Variants in GRIP2 observed in about 807,000 individuals in gnomAD.
GRIP2 encodes glutamate receptor interacting protein 2.
A neutral mutation model predicts 108.3 loss-of-function variants in GRIP2; 58 were observed. The ratio of observed to expected loss-of-function variants is 0.54; its 90% confidence interval spans 0.43 to 0.67. GRIP2 has a LOEUF of 0.67. Ranked by LOEUF, GRIP2 falls within the 30% of genes least tolerant of loss-of-function variation. GRIP2 has a pLI of 0.00. For synonymous variants in GRIP2, 586 were observed against 598.2 expected (o/e 0.98, Z 0.30); for missense variants, 1,278 against 1,430.6 (o/e 0.89, Z 1.72).
chr3:14,536,556 C>T (rs1351616644), intron 1 of GRIP2, among the ~76,000 whole-genome samples: 1 of 152,214 alleles, frequency 6.6e-6, no homozygotes, highest in Non-Finnish European at 1.5e-5. Flanking sequence ...GGACCCATGG[C>T]ATCACCTGGA....
chr3:14,584,251 C>T, the GRIP2 span, among the ~76,000 whole-genome samples: 7 of 152,102 alleles, frequency 4.6e-5, no homozygotes, highest in Admixed American at 6.5e-5. Context: ...GGGTCCAGGC[C>T]GGTCCCATAA....
chr3:14,493,206 T>C lies in GRIP2; in HGVS notation c.*459A>G, dbSNP rs1701374825. Reference sequence around the variant, plus strand: ...AATGCCTCATACCCCAATGCATGACTGCGCTGGGGTATCCAGCTCCTGCCT... The same window carrying C: ...AATGCCTCATACCCCAATGCATGACCGCGCTGGGGTATCCAGCTCCTGCCT... On this transcript the variant is annotated 3_prime_UTR_variant, in exon 24 of 24. Coordinates refer to ENST00000621039, the MANE Select transcript of GRIP2 (RefSeq NM_001080423.4). 6.3e-6 allele frequency: 1 copy of C among 158,652 alleles called. No homozygotes were observed. The highest frequency in any genetic ancestry group is 6.4e-5 in the Admixed American group (1 of 15,532). The allele number at this position is 158,652 out of a possible 1,614,324, so 9.8% of individuals were successfully genotyped here. A position where few individuals can be genotyped will look rare whatever the true frequency, so the allele number is the denominator to read the frequency against.
At chr3:14,493,887 G>T (rs1242066668) in intron 23 of GRIP2, 61 bp from the exon 24 acceptor site, 10 of 1,547,998 alleles carry the variant, frequency 6.5e-6, no homozygotes, top group Non-Finnish European at 7.9e-6. Flanking sequence ...GCTGAAGGGA[G>T]CAAGAGGCAT....
At chr3:14,574,023 G>C in the GRIP2 span, 1 of 1,453,092 alleles carries the variant, frequency 6.9e-7, no homozygotes, top group Non-Finnish European at 9.6e-7. Flanking sequence ...GAGGGCCTCC[G>C]AGCTGGGCCC....
At chr3:14,557,384 C>A (rs768756010), upstream of GRIP2, among the ~76,000 whole-genome samples, 2 of 152,214 alleles carry the variant, frequency 1.3e-5, no homozygotes, top group African/African-American at 2.4e-5. Context: ...TAATTTTAAA[C>A]AAAGACAGAG....
chr3:14,548,557 C>A (rs527773779), intron 1 of GRIP2, among the ~76,000 whole-genome samples: 3 of 152,196 alleles, frequency 2.0e-5, no homozygotes, highest in Non-Finnish European at 4.4e-5. Context: ...TTGGTGCCAG[C>A]GTCAGCCTGT....
chr3:14,572,289 G>T, the GRIP2 span, among the ~76,000 whole-genome samples: 1 of 151,758 alleles, frequency 6.6e-6, no homozygotes, highest in Non-Finnish European at 1.5e-5. Context: ...ACGCTCCCAG[G>T]TCATTTACTG....
chr3:14,569,299 T>G, the GRIP2 span, among the ~76,000 whole-genome samples: 3 of 152,212 alleles, frequency 2.0e-5, no homozygotes, highest in Admixed American at 1.3e-4. Flanking sequence ...ATTCTTAGAA[T>G]CGGGCTGTGT....
the GRIP2 span, among the ~76,000 whole-genome samples, chr3:14,588,390 C>T: frequency 6.6e-6 from 1 of 152,184 alleles, no homozygotes; most frequent in East Asian, 1.9e-4. Flanking sequence ...ACACTGTCTC[C>T]CTACCTACTA....
chr3:14,515,696 C>T (rs924705204), intron 11 of GRIP2, among the ~76,000 whole-genome samples: 8 of 151,498 alleles, frequency 5.3e-5, no homozygotes, highest in Admixed American at 3.9e-4. Flanking sequence ...AGTGCAGAAG[C>T]GCCACCTCGG....
At chr3:14,574,341 G>A in the GRIP2 span, 2 of 1,017,612 alleles carry the variant, frequency 2.0e-6, no homozygotes, top group East Asian at 2.5e-5. Flanking sequence ...TTTGCGCACC[G>A]GCACAGCGAT....
Position 14,507,734 on chromosome 3 carries a change from T to TA in GRIP2, c.2079-35dup. The stretch of plus-strand genomic sequence containing the variant: ...TGGATGCAGGGCAGAGAATGGGAGT[T>TA]AGACACTCAGGGCCTCAGAGTGGCA... On this transcript the variant is annotated intron_variant, in intron 17 of 23. Coordinates refer to ENST00000621039, the MANE Select transcript of GRIP2 (RefSeq NM_001080423.4). This position sits in a 1 kb window ranked among gnomAD's most constrained non-coding sequence, Gnocchi z 4.6. 6 of 1,599,910 alleles carry TA rather than the reference T, an allele frequency of 3.8e-6. No individual in the cohort carries two copies. Among genetic ancestry groups the TA allele is most frequent in the Non-Finnish European group, 5.1e-6 (6 of 1,168,176 alleles).
chr3:14,564,364 G>A, the GRIP2 span, among the ~76,000 whole-genome samples: 3 of 152,340 alleles, frequency 2.0e-5, no homozygotes, highest in South Asian at 2.1e-4. Context: ...CAGCTCCACC[G>A]GGGCTCCTCC....
rs1273225518 is a variant in GRIP2, at chr3:14,489,832, G to C, written c.*3833C>G. 2 of 152,194 alleles carry C rather than the reference G, an allele frequency of 1.3e-5. No homozygotes were observed. The highest frequency in any genetic ancestry group is 2.9e-5 in the Non-Finnish European group (2 of 68,090). The allele number at this position is 152,194 out of a possible 1,614,324, so 9.4% of individuals were successfully genotyped here. A position where few individuals can be genotyped will look rare whatever the true frequency, so the allele number is the denominator to read the frequency against. ...GGGTGGCGGAGTGGGGGAAAGGGTAGAGGGGGAGCAAACCTGATTGCCCTT... is the reference window on the plus strand; with the variant it reads ...GGGTGGCGGAGTGGGGGAAAGGGTACAGGGGGAGCAAACCTGATTGCCCTT... On this transcript the variant is annotated 3_prime_UTR_variant, in exon 24 of 24. Coordinates refer to ENST00000621039, the MANE Select transcript of GRIP2 (RefSeq NM_001080423.4).
chr3:14,502,342 A>C (rs1693788956), intron 21 of GRIP2, among the ~76,000 whole-genome samples: 1 of 152,116 alleles, frequency 6.6e-6, no homozygotes, highest in Admixed American at 6.6e-5. Flanking sequence ...AAAATAGAAA[A>C]AATTAGCTGG....
chr3:14,573,872 C>A, the GRIP2 span: 1 of 1,296,174 alleles, frequency 7.7e-7, no homozygotes. Flanking sequence ...AGCACTCCTC[C>A]TCCGAGGTCT....
At chr3:14,570,303 G>A in the GRIP2 span, among the ~76,000 whole-genome samples, 2 of 152,308 alleles carry the variant, frequency 1.3e-5, no homozygotes, top group African/African-American at 2.4e-5. Context: ...GCATCTTGCC[G>A]ATAGAGACAG....
chr3:14,516,424 G>GT (rs1694249223), intron 11 of GRIP2, among the ~76,000 whole-genome samples: 1 of 152,204 alleles, frequency 6.6e-6, no homozygotes, highest in African/African-American at 2.4e-5. Flanking sequence ...AGGAAAGACT[G>GT]TTCCCAAGAA....
At chr3:14,515,886 C>T (rs144813097) in intron 11 of GRIP2, among the ~76,000 whole-genome samples, 1 of 152,112 alleles carries the variant, frequency 6.6e-6, no homozygotes, top group African/African-American at 2.4e-5. Context: ...CCACCTCGGC[C>T]TCCCAAAGTG....
Sources: gnomAD v4.1 joint callset for allele counts (sites outside exome capture counted in the v4.1 genomes callset) on GRCh38, gnomAD v4.1.1 for gene constraint, Gnocchi (gnomAD v3.1) non-coding constraint, MANE v1.5 for transcripts, NCBI Gene and HGNC (gene_info 2026-07-23, HGNC 2026-07-21) for gene names.